GRM8: variants seen among roughly 807,000 people sequenced by gnomAD.
GRM8 encodes glutamate metabotropic receptor 8.
Under a neutral mutation model 87.2 loss-of-function variants are expected in GRM8, and 47 were observed. The observed-to-expected ratio is 0.54, with a 90% CI of 0.43 to 0.69. The LOEUF is 0.69. Among genes scored for constraint, GRM8 ranks in the 30% least tolerant of loss-of-function variants. The probability of loss-of-function intolerance (pLI) is 0.00; values close to 1 mark genes in which losing one functional copy is unlikely to be tolerated. For missense variants in GRM8, 1,019 were observed against 1,139.2 expected, an observed-to-expected ratio of 0.89 and a Z score of 1.52; for synonymous variants, 396 against 404.5, an observed-to-expected ratio of 0.98 and a Z score of 0.25.
At chr7:127,244,200 T>G (rs1798462634) in intron 1 of GRM8, among the ~76,000 whole-genome samples, 1 of 152,194 alleles carries the variant, frequency 6.6e-6, no homozygotes, top group African/African-American at 2.4e-5. Context: ...ATTACCATTG[T>G]CAGGGTTTCC....
intron 8 of GRM8, among the ~76,000 whole-genome samples, chr7:126,557,398 T>C (rs550298676): frequency 5.9e-5 from 9 of 152,348 alleles, no homozygotes; most frequent in African/African-American, 2.2e-4. Flanking sequence ...TTACTGTCTC[T>C]GTACATTTTT....
chr7:126,560,082 T>TAA (rs1425128264), intron 8 of GRM8, among the ~76,000 whole-genome samples: 1 of 152,218 alleles, frequency 6.6e-6, no homozygotes, highest in Admixed American at 6.5e-5. Flanking sequence ...CAGCAACACT[T>TAA]ACAACCTGTG....
intron 2 of GRM8, among the ~76,000 whole-genome samples, chr7:127,141,233 C>T (rs2133267527): frequency 6.6e-6 from 1 of 152,108 alleles, no homozygotes; most frequent in East Asian, 1.9e-4. Flanking sequence ...CCTAACCCCT[C>T]CCTAGTGCCC....
chr7:126,488,436 G>T (rs1178541873), intron 9 of GRM8, among the ~76,000 whole-genome samples: 1 of 152,020 alleles, frequency 6.6e-6, no homozygotes, highest in Non-Finnish European at 1.5e-5. Flanking sequence ...TCAGGAAAAT[G>T]TTATGCTAAA....
chr7:126,889,185 G>A (rs909528097), intron 6 of GRM8, among the ~76,000 whole-genome samples: 10 of 152,116 alleles, frequency 6.6e-5, no homozygotes, highest in Admixed American at 4.6e-4. Context: ...CTTTGTGAAA[G>A]ACAGGCATAA....
chr7:126,760,187 CTGCTTT>C (rs1436780548), intron 7 of GRM8, among the ~76,000 whole-genome samples: 1 of 152,068 alleles, frequency 6.6e-6, no homozygotes, highest in African/African-American at 2.4e-5. Flanking sequence ...ATCATTCATC[CTGCTTT>C]TTTTCAAATG....
At chr7:127,161,698 ATAAC>A (rs1225329527) in intron 2 of GRM8, among the ~76,000 whole-genome samples, 3 of 152,298 alleles carry the variant, frequency 2.0e-5, no homozygotes, top group African/African-American at 7.2e-5. Context: ...AAACTATTAA[ATAAC>A]TAATTTCTAT....
chr7:126,642,061 A>C (rs1001601530), intron 7 of GRM8, among the ~76,000 whole-genome samples: 4 of 152,198 alleles, frequency 2.6e-5, no homozygotes, highest in African/African-American at 9.7e-5. Context: ...GGTAGGCACT[A>C]GCATCGTCTG....
At chr7:126,492,106 G>C (rs920579132) in intron 9 of GRM8, among the ~76,000 whole-genome samples, 1 of 151,988 alleles carries the variant, frequency 6.6e-6, no homozygotes, top group African/African-American at 2.4e-5. Context: ...ACCTAGGCTG[G>C]AGTACGGTGG....
intron 2 of GRM8, among the ~76,000 whole-genome samples, chr7:127,222,571 T>C (rs1256504160): frequency 6.6e-6 from 1 of 152,214 alleles, no homozygotes; most frequent in Non-Finnish European, 1.5e-5. Context: ...TATGACTTGT[T>C]TACATAAAAC....
intron 6 of GRM8, among the ~76,000 whole-genome samples, chr7:126,778,470 C>T (rs991323839): frequency 2.6e-5 from 4 of 151,856 alleles, no homozygotes; most frequent in African/African-American, 9.7e-5. Flanking sequence ...TATCTTCAGG[C>T]AAAACAACCA....
chr7:127,141,358 A>G (rs1828246424), intron 2 of GRM8, among the ~76,000 whole-genome samples: 1 of 151,572 alleles, frequency 6.6e-6, no homozygotes, highest in African/African-American at 2.4e-5. Context: ...TTCATGTTCA[A>G]TTAATTCTTC....
At chr7:126,546,760 G>T (rs1817204931) in intron 8 of GRM8, among the ~76,000 whole-genome samples, 1 of 152,252 alleles carries the variant, frequency 6.6e-6, no homozygotes, top group Non-Finnish European at 1.5e-5. Context: ...AATCATTACA[G>T]TAAGATACTC....
At chr7:126,934,562 A>G (rs1049637638) in intron 3 of GRM8, among the ~76,000 whole-genome samples, 34 of 152,226 alleles carry the variant, frequency 2.2e-4, no homozygotes, top group Middle Eastern at 3.2e-3. Flanking sequence ...GAAATCTCAG[A>G]TTCTTTGTAC....
intron 7 of GRM8, among the ~76,000 whole-genome samples, chr7:126,632,084 G>A (rs6954541): frequency 0.31 from 46,811 of 151,988 alleles, 8,076 homozygotes; most frequent in East Asian, 0.43. Flanking sequence ...TATCATCAGA[G>A]CAAACAGACA....
chr7:127,123,470 T>C (rs1391837074), intron 2 of GRM8, among the ~76,000 whole-genome samples: 1 of 152,066 alleles, frequency 6.6e-6, no homozygotes, highest in African/African-American at 2.4e-5. Flanking sequence ...CTGTCTCACA[T>C]TTCCTCTCTG....
At chr7:126,917,872 G>A (rs942495558) in intron 3 of GRM8, among the ~76,000 whole-genome samples, 3 of 152,090 alleles carry the variant, frequency 2.0e-5, no homozygotes, top group East Asian at 1.9e-4. Context: ...TTCATTGACC[G>A]ACATCCTCTC....
intron 6 of GRM8, among the ~76,000 whole-genome samples, chr7:126,892,772 A>G (rs1466427282): frequency 6.6e-5 from 10 of 151,924 alleles, no homozygotes; most frequent in African/African-American, 1.9e-4. Context: ...AAGTGTTCCT[A>G]TTTCTCCACA....
At chr7:127,026,172 A>T (rs1816758081) in intron 3 of GRM8, among the ~76,000 whole-genome samples, 1 of 152,184 alleles carries the variant, frequency 6.6e-6, no homozygotes, top group Non-Finnish European at 1.5e-5. Flanking sequence ...TGCAAAGGAC[A>T]CAAACTCATC....
Sources: allele counts gnomAD v4.1 joint callset (sites outside exome capture counted in the v4.1 genomes callset), GRCh38; gene constraint gnomAD v4.1.1; transcripts MANE v1.5; gene names NCBI Gene and HGNC (gene_info 2026-07-23, HGNC 2026-07-21).